TP53BP1: variants seen among roughly 807,000 people sequenced by gnomAD.
TP53BP1 encodes tumor protein p53 binding protein 1.
TP53BP1 carries 61 observed loss-of-function variants against 200.8 expected under a neutral mutation model. The observed-to-expected ratio is 0.30, with a 90% CI of 0.25 to 0.38. TP53BP1 has a LOEUF of 0.38. Ranked by LOEUF, TP53BP1 falls within the 10% of genes least tolerant of loss-of-function variation. The pLI is 1.00. For missense variants in TP53BP1, 2,144 were observed against 2,371.9 expected, an observed-to-expected ratio of 0.90 and a Z score of 2.00; for synonymous variants, 822 against 844.3, an observed-to-expected ratio of 0.97 and a Z score of 0.46.
In TP53BP1 at chr15:43,447,347, T is replaced by C. The variant is rs1423304473; in HGVS notation, c.2836+19A>G. ...CTCAGAAATTCTGCCTTAAATATCATTACTTTTTATTCACTCACCAATAGG... is the reference window on the plus strand; with the variant it reads ...CTCAGAAATTCTGCCTTAAATATCACTACTTTTTATTCACTCACCAATAGG... On this transcript the variant is annotated intron_variant, in intron 13 of 27. Transcript: ENST00000382044. The C allele has an allele frequency of 1.6e-5, 25 of 1,591,530 alleles. No individual in the cohort carries two copies. The highest frequency in any genetic ancestry group is 1.8e-5 in the Non-Finnish European group (21 of 1,174,298).
In TP53BP1 at chr15:43,421,014, T is replaced by C. The variant is rs2142991580; in HGVS notation, c.4250+11A>G. On this transcript the variant is annotated intron_variant, in intron 20 of 27. Coordinates refer to ENST00000382044, the MANE Select transcript of TP53BP1 (RefSeq NM_001141980.3). ...ACAACAGACTAAGTATATCTTACAC[T>C]ACCCAGGTACCTGGTTCCAGTGGTC... 6.2e-7 allele frequency: 1 copy of C among 1,609,906 alleles called. No individual in the cohort carries two copies. The highest frequency in any genetic ancestry group is 8.5e-7 in the Non-Finnish European group (1 of 1,178,240).
chr15:43,417,439 T>A (rs1383204307), intron 21 of TP53BP1, among the ~76,000 whole-genome samples: 1 of 152,204 alleles, frequency 6.6e-6, no homozygotes, highest in East Asian at 1.9e-4. Context: ...TAAATCTCTA[T>A]CCCCAAACTA....
rs199709413 is a variant in TP53BP1, at chr15:43,420,456, T to C, written c.4530A>G (p.Lys1510=). 1.2e-6 allele frequency: 2 copies of C among 1,614,166 alleles called. No individual in the cohort carries two copies. Among genetic ancestry groups the C allele is most frequent in the East Asian group, 2.2e-5 (1 of 44,874 alleles). Residue 1510 remains lysine (K), a synonymous_variant, in exon 21 of 28, where the codon AAA becomes AAG. Coordinates refer to ENST00000382044, the MANE Select transcript of TP53BP1 (RefSeq NM_001141980.3). ...WSSNGYFYSG[K]ITRDVGAGKY... is the part of the protein sequence containing the mutation. ...TCCCAGCTCCGACATCTCGTGTGATTTTCCCAGAGTAAAAGTAGCCATTGG... is the reference window on the plus strand; with the variant it reads ...TCCCAGCTCCGACATCTCGTGTGATCTTCCCAGAGTAAAAGTAGCCATTGG...
At chr15:43,475,745 G>T (rs1213447250) in intron 8 of TP53BP1, 51 bp from the exon 9 acceptor site, 1 of 1,605,310 alleles carries the variant, frequency 6.2e-7, no homozygotes, top group African/African-American at 1.3e-5. Context: ...CTACTGAGCT[G>T]CCAAAAACCA....
At chr15:43,443,523 C>T (rs1180713903) in intron 14 of TP53BP1, among the ~76,000 whole-genome samples, 1 of 152,096 alleles carries the variant, frequency 6.6e-6, no homozygotes, top group African/African-American at 2.4e-5. Context: ...GAAGCCCCAT[C>T]TCTATAATAA....
chr15:43,409,131 G>T, intron 25 of TP53BP1, 35 bp from the exon 26 acceptor site: 1 of 1,601,226 alleles, frequency 6.2e-7, no homozygotes, highest in South Asian at 1.1e-5. Flanking sequence ...TGGGTTTGGT[G>T]ACTTCTGTGG....
At chr15:43,483,927 G>C (rs1276414253) in intron 4 of TP53BP1, among the ~76,000 whole-genome samples, 1 of 152,132 alleles carries the variant, frequency 6.6e-6, no homozygotes, top group Non-Finnish European at 1.5e-5. Flanking sequence ...CCCACTTAAT[G>C]ACCTCATCCA....
In TP53BP1 at chr15:43,457,077, G is replaced by A. The variant is rs1484412478; in HGVS notation, c.1531C>T (p.Leu511=). ...EPKNSPEDLG[L]SLTGDSCKLM... ...TTGCAAGAATCCCCTGTCAAAGATA[G>A]CCCAAGATCCTCAGGGGAATTCTTT... The change falls in exon 12 of 28, where the codon CTA becomes TTA. Residue 511 remains leucine (L), a synonymous_variant. Coordinates refer to ENST00000382044, the MANE Select transcript of TP53BP1 (RefSeq NM_001141980.3). 6.2e-7 allele frequency: 1 copy of A among 1,614,120 alleles called. No homozygotes were observed.
intron 17 of TP53BP1, among the ~76,000 whole-genome samples, chr15:43,431,177 G>A (rs45515692): frequency 2.0e-5 from 3 of 152,070 alleles, no homozygotes; most frequent in Non-Finnish European, 4.4e-5. Context: ...ACTCAGAACA[G>A]CACAGTATTT....
chr15:43,442,322 G>A (rs537808047), intron 14 of TP53BP1, among the ~76,000 whole-genome samples: 6 of 151,986 alleles, frequency 3.9e-5, no homozygotes, highest in Admixed American at 2.0e-4. Flanking sequence ...TCCTGACCTC[G>A]TGATCCGCCC....
At chr15:43,492,171 T>C (rs1474598002) in intron 2 of TP53BP1, 76 bp from the exon 3 acceptor site, 11 of 1,509,772 alleles carry the variant, frequency 7.3e-6, no homozygotes, top group Admixed American at 3.5e-5. Context: ...TGTGAACAAT[T>C]TTTCCAATCA....
Position 43,405,678 on chromosome 15 carries a change from C to G in TP53BP1, c.*1705G>C, listed in dbSNP as rs1300784280. On this transcript the variant is annotated 3_prime_UTR_variant, in exon 28 of 28. Coordinates refer to ENST00000382044, the MANE Select transcript of TP53BP1 (RefSeq NM_001141980.3). ...AAGCAACAGGTAAGATAGGCTTTCT[C>G]TCTCCCTATACCAAGTAATTTATAC... 1 of 161,244 alleles carries G rather than the reference C, an allele frequency of 6.2e-6. No homozygotes were observed. Among genetic ancestry groups the G allele is most frequent in the Non-Finnish European group, 1.4e-5 (1 of 73,788 alleles). 10.0% of individuals were successfully genotyped at this position (161,244 alleles called of 1,614,324 possible).
At chr15:43,408,837 TC>T in intron 26 of TP53BP1, 59 bp downstream of exon 26, 1 of 1,537,076 alleles carries the variant, frequency 6.5e-7, no homozygotes, top group Non-Finnish European at 9.0e-7. Context: ...TAGATTCTCT[TC>T]CCTCCAAAGC....
At chr15:43,461,938 G>A (rs115050239) in intron 11 of TP53BP1, among the ~76,000 whole-genome samples, 1 of 151,574 alleles carries the variant, frequency 6.6e-6, no homozygotes, top group African/African-American at 2.4e-5. Flanking sequence ...CCAAAGCTGG[G>A]ATTACAAGCG....
intron 21 of TP53BP1, among the ~76,000 whole-genome samples, chr15:43,419,455 G>C (rs2045342894): frequency 6.6e-6 from 1 of 150,644 alleles, no homozygotes; most frequent in African/African-American, 2.4e-5. Context: ...AAACTCCTGA[G>C]CTTAAGCAAT....
chr15:43,431,611 G>A (rs369717937), intron 17 of TP53BP1, among the ~76,000 whole-genome samples: 8 of 152,060 alleles, frequency 5.3e-5, no homozygotes, highest in African/African-American at 1.9e-4. Context: ...TACTCCTCCA[G>A]CCTCGTTTTC....
At chr15:43,464,915 A>G (rs933870004) in intron 11 of TP53BP1, among the ~76,000 whole-genome samples, 5 of 151,966 alleles carry the variant, frequency 3.3e-5, no homozygotes, top group Non-Finnish European at 7.4e-5. Flanking sequence ...TCTCAAAAAG[A>G]AAAATAAATA....
chr15:43,457,902 C>A (rs2046339269), intron 11 of TP53BP1, among the ~76,000 whole-genome samples: 1 of 151,526 alleles, frequency 6.6e-6, no homozygotes, highest in African/African-American at 2.4e-5. Flanking sequence ...GGCTGTAATC[C>A]CAGCTACTCA....
At chr15:43,426,182 G>A (rs1156362786) in intron 18 of TP53BP1, among the ~76,000 whole-genome samples, 3 of 151,732 alleles carry the variant, frequency 2.0e-5, no homozygotes, top group Non-Finnish European at 2.9e-5. Flanking sequence ...AGTGGCTCAC[G>A]CCTGTAATCC....
Sources: gnomAD v4.1 joint callset for allele counts (sites outside exome capture counted in the v4.1 genomes callset) on GRCh38, gnomAD v4.1.1 for gene constraint, MANE v1.5 for transcripts, NCBI Gene and HGNC (gene_info 2026-07-23, HGNC 2026-07-21) for gene names.